LRRK1: variants seen among roughly 807,000 people sequenced by gnomAD.
LRRK1 encodes leucine-rich repeat serine/threonine-protein kinase 1.
LRRK1 carries 113 observed loss-of-function variants against 209.1 expected under a neutral mutation model. That is an observed-to-expected ratio of 0.54 (90% CI 0.46 to 0.63). The LOEUF (loss-of-function observed/expected upper bound fraction) is 0.63, where lower values mean the gene tolerates loss of function less well. LRRK1 is among the 30% of genes least tolerant of loss of function. LRRK1 has a pLI of 0.00. For missense variants in LRRK1, 2,284 were observed against 2,632.2 expected (o/e 0.87, Z 2.89); for synonymous variants, 1,144 against 1,099.7 (o/e 1.04, Z -0.80).
At chr15:101,035,261 A>G (rs2034450414) in intron 20 of LRRK1, among the ~76,000 whole-genome samples, 1 of 151,956 alleles carries the variant, frequency 6.6e-6, no homozygotes, top group South Asian at 2.1e-4. Context: ...TGGTATGTTT[A>G]AGTGCCATAC....
intron 6 of LRRK1, among the ~76,000 whole-genome samples, chr15:100,996,989 A>G (rs1454006181): frequency 6.6e-6 from 1 of 152,036 alleles, no homozygotes; most frequent in Admixed American, 6.6e-5. Flanking sequence ...ATTTAGATTC[A>G]TTATGATACA....
chr15:100,958,230 G>C (rs1030304526), intron 2 of LRRK1, among the ~76,000 whole-genome samples: 3 of 152,128 alleles, frequency 2.0e-5, no homozygotes, highest in Non-Finnish European at 2.9e-5. Context: ...TCTGTAGTAG[G>C]TTAAGCAGCA....
At chr15:100,974,293 C>A in intron 3 of LRRK1, 1 of 250,006 alleles carries the variant, frequency 4.0e-6, no homozygotes. Context: ...TAAAAAGTAG[C>A]ACATGCTGGA....
chr15:100,977,778 C>T (rs949709314), intron 3 of LRRK1, among the ~76,000 whole-genome samples: 5 of 152,120 alleles, frequency 3.3e-5, no homozygotes, highest in Non-Finnish European at 7.4e-5. Context: ...GAAGTAAGAT[C>T]CAGAGTCTTA....
chr15:101,062,748 G>C, intron 31 of LRRK1, 58 bp downstream of exon 31: 8 of 1,244,678 alleles, frequency 6.4e-6, no homozygotes, highest in Non-Finnish European at 9.5e-6. Flanking sequence ...CGCCTAGGAG[G>C]CGTCTCCTAG....
At chr15:101,065,230 C>A in intron 31 of LRRK1, 122 bp from the exon 32 acceptor site, 1 of 1,166,790 alleles carries the variant, frequency 8.6e-7, no homozygotes, top group Non-Finnish European at 1.2e-6. Flanking sequence ...TGCCCTGAGG[C>A]GCACTGGTGG....
chr15:100,971,366 GA>G (rs1567207568), intron 2 of LRRK1, among the ~76,000 whole-genome samples: 1 of 150,146 alleles, frequency 6.7e-6, no homozygotes, highest in African/African-American at 2.5e-5. Context: ...AAAAGAAAAA[GA>G]AAAAAGAAGA....
intron 33 of LRRK1, among the ~76,000 whole-genome samples, chr15:101,067,936 C>T (rs1405896492): frequency 6.6e-6 from 1 of 152,254 alleles, no homozygotes; most frequent in African/African-American, 2.4e-5. Context: ...GAGGGAGGCT[C>T]CTCCCCTAAG....
chr15:101,062,343 G>T, intron 30 of LRRK1: 1 of 437,716 alleles, frequency 2.3e-6, no homozygotes, highest in Non-Finnish European at 4.1e-6. Context: ...GTTTTCTCTG[G>T]GGAATAGATG....
rs116219483 is a variant in LRRK1, at chr15:101,017,832, G to A, written c.1609+2430G>A. Among the ~76,000 whole-genome samples, 249 of 151,998 alleles carry A rather than the reference G, an allele frequency of 1.6e-3. 1 individual carries two copies. The highest frequency in any genetic ancestry group is 5.3e-3 in the African/African-American group (221 of 41,418). ...TTAGTGTAAAAGGATGCTTGCGTGCGTTAATAAACGGTGTTGATATTCCTG... is the reference window on the plus strand; with the variant it reads ...TTAGTGTAAAAGGATGCTTGCGTGCATTAATAAACGGTGTTGATATTCCTG... On this transcript the variant is annotated intron_variant, in intron 12 of 33. Transcript: ENST00000388948.
chr15:100,965,803 G>T (rs961411244), intron 2 of LRRK1, among the ~76,000 whole-genome samples: 2 of 152,058 alleles, frequency 1.3e-5, no homozygotes, highest in African/African-American at 4.8e-5. Flanking sequence ...CAAGTAAGAT[G>T]CCTGAAAATT....
At position 101,062,635 on chromosome 15, in the gene LRRK1, C is replaced by T. The variant is rs765244575; in HGVS notation, c.4859C>T (p.Ala1620Val). The T allele has an allele frequency of 6.2e-7, 1 of 1,614,234 alleles. No homozygotes were observed. Among genetic ancestry groups the T allele is most frequent in the South Asian group, 1.1e-5 (1 of 91,084 alleles). Reference protein sequence around the residue: ...GMCPLNTPQQALDTPAVVTCF... With the variant: ...GMCPLNTPQQVLDTPAVVTCF... ...TGCCCCTTAAACACACCCCAACAGG[C>T]CTTGGATACTCCAGCTGTCGTCACC... is the stretch of plus-strand genomic sequence containing the variant. Residue 1620 changes from alanine to valine, a missense_variant, in exon 31 of 34, where the codon GCC becomes GTC. This residue lies in a region of LRRK1 where 643 missense variants were observed against 695.9 expected (regional missense o/e 0.92). Transcript: ENST00000388948.
chr15:101,010,958 C>T (rs1298830254), intron 9 of LRRK1, 121 bp downstream of exon 9: 3 of 811,508 alleles, frequency 3.7e-6, no homozygotes, highest in African/African-American at 1.7e-5. Context: ...GGTAGAAGGG[C>T]CCGGTTCCCA....
At chr15:101,007,059 C>T (rs1049820137) in intron 6 of LRRK1, among the ~76,000 whole-genome samples, 1 of 152,170 alleles carries the variant, frequency 6.6e-6, no homozygotes. Context: ...GTTCAAAGAC[C>T]GGACGGAGTG....
chr15:101,010,197 G>A (rs2033164788), intron 7 of LRRK1, among the ~76,000 whole-genome samples: 2 of 152,276 alleles, frequency 1.3e-5, no homozygotes, highest in South Asian at 2.1e-4. Context: ...ACATGCCTGC[G>A]AAGGATTCGA....
chr15:101,045,823 T>C (rs1180989314), intron 20 of LRRK1, among the ~76,000 whole-genome samples, 158 bp from the exon 21 acceptor site: 1 of 152,198 alleles, frequency 6.6e-6, no homozygotes, highest in Non-Finnish European at 1.5e-5. Context: ...ACGCTTCTCT[T>C]ACTAATAACA....
At chr15:101,056,478 A>AAGTC (rs1014518517) in intron 27 of LRRK1, among the ~76,000 whole-genome samples, 1 of 152,096 alleles carries the variant, frequency 6.6e-6, no homozygotes, top group African/African-American at 2.4e-5. Context: ...ATATGGTGGG[A>AAGTC]AGTCAGATGG....
At chr15:101,048,239 A>G (rs2035198043) in intron 21 of LRRK1, among the ~76,000 whole-genome samples, 1 of 152,216 alleles carries the variant, frequency 6.6e-6, no homozygotes, top group Non-Finnish European at 1.5e-5. Context: ...TTGTAAAGTC[A>G]GAAAGGGAAA....
intron 20 of LRRK1, among the ~76,000 whole-genome samples, chr15:101,042,033 C>CATA (rs2034785567): frequency 6.6e-6 from 1 of 152,056 alleles, no homozygotes; most frequent in Non-Finnish European, 1.5e-5. Flanking sequence ...TAATGAACCC[C>CATA]ATAATATAGT....
Sources: allele counts gnomAD v4.1 joint callset (sites outside exome capture counted in the v4.1 genomes callset), GRCh38; gene constraint gnomAD v4.1.1; regional missense constraint gnomAD v4.1.1; transcripts MANE v1.5; gene names NCBI Gene and HGNC (gene_info 2026-07-23, HGNC 2026-07-21).